The following ARIH1 variants were observed in gnomAD, a reference collection of about 807,000 sequenced individuals.
ARIH1 encodes ariadne RBR E3 ubiquitin protein ligase 1, also known as E3 ubiquitin-protein ligase ARIH1.
In ARIH1, 8 loss-of-function variants were observed where a neutral mutation model predicts 85.0. The observed-to-expected ratio is 0.09, with a 90% CI of 0.06 to 0.17. ARIH1 has a LOEUF of 0.17. Among genes scored for constraint, ARIH1 ranks in the 10% least tolerant of loss-of-function variants. ARIH1 has a pLI of 1.00. For synonymous variants in ARIH1, 238 were observed against 253.6 expected (o/e 0.94, Z 0.59); for missense variants, 311 against 718.1 (o/e 0.43, Z 6.48).
At chr15:72,571,564 G>A (rs1439287939) in intron 10 of ARIH1, among the ~76,000 whole-genome samples, 1 of 152,020 alleles carries the variant, frequency 6.6e-6, no homozygotes, top group Non-Finnish European at 1.5e-5. Context: ...AGTTTTAAAT[G>A]ACTCTGAAAA....
At chr15:72,499,914 T>C (rs1028396468) in intron 1 of ARIH1, among the ~76,000 whole-genome samples, 4 of 152,220 alleles carry the variant, frequency 2.6e-5, no homozygotes, top group Non-Finnish European at 5.9e-5. Context: ...ACAACACTTT[T>C]TTCCCCCCTG....
chr15:72,525,688 A>C (rs2064024446), intron 2 of ARIH1, among the ~76,000 whole-genome samples: 1 of 152,220 alleles, frequency 6.6e-6, no homozygotes, highest in Non-Finnish European at 1.5e-5. Context: ...AAAAACCCAC[A>C]GTGCCCAGTC....
At position 72,597,459 on chromosome 15, in the gene ARIH1, T is replaced by C. The variant is rs781405833; in HGVS notation, c.*14167T>C. ...TTTTTTTTAATCAATGGGCTGGGGA[T>C]AGGAGGATCTTTCTCAGCTCTCATG... On this transcript the variant is annotated 3_prime_UTR_variant, in exon 14 of 14. Transcript: ENST00000379887. The C allele has an allele frequency of 3.5e-5, 5 of 143,082 alleles. No homozygotes were observed. Among genetic ancestry groups the C allele is most frequent in the Non-Finnish European group, 7.4e-5 (5 of 67,890 alleles). The allele number at this position is 143,082 out of a possible 1,614,324, so 8.9% of individuals were successfully genotyped here.
At chr15:72,530,774 C>G (rs1360578462) in intron 2 of ARIH1, among the ~76,000 whole-genome samples, 1 of 152,080 alleles carries the variant, frequency 6.6e-6, no homozygotes, top group Admixed American at 6.5e-5. Context: ...CATAGTTTAA[C>G]AGCAGACTGG....
At chr15:72,563,371 T>C in intron 6 of ARIH1, 23 bp from the exon 7 acceptor site, 1 of 1,603,208 alleles carries the variant, frequency 6.2e-7, no homozygotes, top group Admixed American at 1.7e-5. Context: ...CTGTCATTTT[T>C]TATTTTCTAA....
chr15:72,576,698 A>G (rs1226527282), intron 11 of ARIH1, among the ~76,000 whole-genome samples: 3 of 151,976 alleles, frequency 2.0e-5, no homozygotes, highest in Admixed American at 1.3e-4. Flanking sequence ...ATACAAAACA[A>G]ATCTAAACTA....
intron 2 of ARIH1, among the ~76,000 whole-genome samples, chr15:72,540,415 A>G (rs975229800): frequency 9.8e-5 from 15 of 152,300 alleles, no homozygotes; most frequent in East Asian, 5.8e-4. Flanking sequence ...TTAATTACAT[A>G]GGCCACTCCT....
At chr15:72,527,467 T>C (rs1227325142) in intron 2 of ARIH1, among the ~76,000 whole-genome samples, 4 of 152,128 alleles carry the variant, frequency 2.6e-5, no homozygotes, top group African/African-American at 9.7e-5. Flanking sequence ...CCTGGAGGGA[T>C]GGGAAAGTGA....
Position 72,563,401 on chromosome 15 carries a change from G to A in ARIH1, c.812G>A (p.Arg271Gln), listed in dbSNP as rs1454157851. 6.2e-7 allele frequency: 1 copy of A among 1,613,180 alleles called. No homozygotes were observed. The highest frequency in any genetic ancestry group is 8.5e-7 in the Non-Finnish European group (1 of 1,179,316). Residue 271 changes from arginine to glutamine, a missense_variant, in exon 7 of 14, where the codon CGA (arginine) becomes CAA (glutamine). Physicochemically the swap from Arg to Gln is conservative, Grantham distance 43 (BLOSUM62 1). Around this residue, in one of 3 missense-constraint regions of ARIH1, gnomAD observed 104 missense variants for 221.4 expected, o/e 0.47. Coordinates refer to ENST00000379887, the MANE Select transcript of ARIH1 (RefSeq NM_005744.5). ...TTCTAACTTGTATTTCAGTGCAATC[G>A]ACTGTTAAAGTGGTGTCCTGCCCCA... ...LITNSFVECN[R>Q]LLKWCPAPDC...
intron 1 of ARIH1, among the ~76,000 whole-genome samples, chr15:72,509,768 A>C (rs1164784328): frequency 6.6e-6 from 1 of 151,870 alleles, no homozygotes; most frequent in Non-Finnish European, 1.5e-5. Flanking sequence ...ATTTTTTAAA[A>C]ATTTTTAGTA....
rs1246367207 is a variant in ARIH1 at position 72,587,234 on chromosome 15, C to T, written c.*3942C>T. 1 of 527,732 alleles carries T rather than the reference C, an allele frequency of 1.9e-6. No individual in the cohort carries two copies. The highest frequency in any genetic ancestry group is 1.4e-5 in the South Asian group (1 of 70,658). 32.7% of individuals were successfully genotyped at this position (527,732 alleles called of 1,614,324 possible). A position where few individuals can be genotyped will look rare whatever the true frequency, so the allele number is the denominator to read the frequency against. ...CTACCTGAAACTTAACATCATGCTA[C>T]CTCTTTGTATCATATTTTGTTATTC... On this transcript the variant is annotated 3_prime_UTR_variant, in exon 14 of 14. Coordinates refer to ENST00000379887, the MANE Select transcript of ARIH1 (RefSeq NM_005744.5).
At chr15:72,529,965 A>G (rs1435909420) in intron 2 of ARIH1, among the ~76,000 whole-genome samples, 1 of 152,196 alleles carries the variant, frequency 6.6e-6, no homozygotes. Flanking sequence ...ATAGTGATGG[A>G]AAAGCATTAT....
At chr15:72,548,826 CCTTCCAG>C (rs1336695666) in intron 3 of ARIH1, among the ~76,000 whole-genome samples, 2 of 152,066 alleles carry the variant, frequency 1.3e-5, no homozygotes, top group African/African-American at 2.4e-5. Flanking sequence ...GTATCTTTAT[CCTTCCAG>C]AAAGCAATTT....
intron 1 of ARIH1, among the ~76,000 whole-genome samples, chr15:72,510,148 G>A (rs185586571): frequency 2.4e-3 from 365 of 152,150 alleles, no homozygotes; most frequent in African/African-American, 8.5e-3. Flanking sequence ...TTTTTAAAAT[G>A]GGCTTTTATT....
intron 9 of ARIH1, among the ~76,000 whole-genome samples, chr15:72,569,166 G>A (rs1377706642): frequency 1.3e-5 from 2 of 152,020 alleles, no homozygotes; most frequent in East Asian, 3.9e-4. Context: ...AAAATTAGCC[G>A]AGCATGGTGG....
chr15:72,569,401 A>AC (rs1468520927), intron 9 of ARIH1, among the ~76,000 whole-genome samples: 2 of 152,204 alleles, frequency 1.3e-5, no homozygotes, highest in African/African-American at 4.8e-5. Flanking sequence ...AGAATTTAAA[A>AC]CATGGTTATT....
chr15:72,529,150 A>C (rs1206792316), intron 2 of ARIH1, among the ~76,000 whole-genome samples: 1 of 151,956 alleles, frequency 6.6e-6, no homozygotes, highest in African/African-American at 2.4e-5. Flanking sequence ...CAGTGAGCCG[A>C]GATCCACCAC....
chr15:72,595,080 A>G lies in ARIH1; in HGVS notation c.*11788A>G, dbSNP rs2064358433. 2 of 151,948 alleles carry G rather than the reference A, an allele frequency of 1.3e-5. No homozygotes were observed. Among genetic ancestry groups the G allele is most frequent in the Non-Finnish European group, 2.9e-5 (2 of 67,970 alleles). 9.4% of individuals were successfully genotyped at this position (151,948 alleles called of 1,614,324 possible). ...AGATGCGTTTTTAGCTTTTAATAAG[A>G]TTATTATGTATTTCTCTTTTTATTT... is the stretch of plus-strand genomic sequence containing the variant. On this transcript the variant is annotated 3_prime_UTR_variant, in exon 14 of 14. Transcript: ENST00000379887.
intron 1 of ARIH1, among the ~76,000 whole-genome samples, chr15:72,502,511 C>T (rs910463357): frequency 6.6e-6 from 1 of 152,030 alleles, no homozygotes; most frequent in African/African-American, 2.4e-5. Context: ...AAATAATCTC[C>T]AAGAGTAATG....
Sources: gnomAD v4.1 joint callset for allele counts (sites outside exome capture counted in the v4.1 genomes callset) on GRCh38, gnomAD v4.1.1 for gene constraint, gnomAD v4.1.1 regional missense constraint, MANE v1.5 for transcripts, NCBI Gene and HGNC (gene_info 2026-07-23, HGNC 2026-07-21) for gene names.